Variants in NR2E1 observed in about 807,000 individuals in gnomAD.
The protein encoded by NR2E1 is nuclear receptor TLX.
Under a neutral mutation model 43.6 loss-of-function variants are expected in NR2E1, and 5 were observed. That is an observed-to-expected ratio of 0.11 (90% CI 0.06 to 0.24). The LOEUF is 0.24. Ranked by LOEUF, NR2E1 falls within the 10% of genes least tolerant of loss-of-function variation. The probability of loss-of-function intolerance (pLI) is 1.00; values close to 1 mark genes in which losing one functional copy is unlikely to be tolerated. For missense variants in NR2E1, 287 were observed against 496.7 expected (o/e 0.58, Z 4.01); for synonymous variants, 191 against 195.5 (o/e 0.98, Z 0.19).
intron 2 of NR2E1, among the ~76,000 whole-genome samples, chr6:108,174,008 T>C (rs1296748637): frequency 6.6e-6 from 1 of 152,236 alleles, no homozygotes; most frequent in African/African-American, 2.4e-5. Context: ...GAGCCCATAT[T>C]ATCATTTAGT....
chr6:108,187,608 G>A lies in NR2E1; in HGVS notation c.*145G>A, dbSNP rs1774095987. The stretch of plus-strand genomic sequence containing the variant: ...GGAAAAAAATGCCAATTGACACAAA[G>A]CATTCCAGTAGCTATGACCTGCCGC... On this transcript the variant is annotated 3_prime_UTR_variant, in exon 9 of 9. Transcript: ENST00000368986. 2.2e-6 allele frequency: 2 copies of A among 899,140 alleles called. No homozygotes were observed. The highest frequency in any genetic ancestry group is 1.6e-5 in the African/African-American group (1 of 60,740). The allele number at this position is 899,140 out of a possible 1,614,324, so 55.7% of individuals were successfully genotyped here. A position where few individuals can be genotyped will look rare whatever the true frequency, so the allele number is the denominator to read the frequency against.
At chr6:108,178,701 C>T (rs1387112172) in intron 5 of NR2E1, among the ~76,000 whole-genome samples, 3 of 152,276 alleles carry the variant, frequency 2.0e-5, no homozygotes, top group Middle Eastern at 3.4e-3. Flanking sequence ...TTCTCCATTG[C>T]GATGCTCCCA....
rs534784332 is a variant in NR2E1 at position 108,169,818 on chromosome 6, G to A, written c.26-1640G>A. On this transcript the variant is annotated intron_variant, in intron 1 of 8. Transcript: ENST00000368986. The surrounding 1 kb of genome is among the most constrained non-coding windows in gnomAD (Gnocchi z 6.1). Reference sequence around the variant, plus strand: ...CGAGCCGGTGGCCGCCGCGCCGCGCGCCTCCCCTGCCCGCCTTTGTCGCCG... The same window carrying A: ...CGAGCCGGTGGCCGCCGCGCCGCGCACCTCCCCTGCCCGCCTTTGTCGCCG... Among the ~76,000 whole-genome samples, 1 of 151,608 alleles carries A rather than the reference G, an allele frequency of 6.6e-6. No individual in the cohort carries two copies. Among genetic ancestry groups the A allele is most frequent in the African/African-American group, 2.4e-5 (1 of 41,234 alleles).
chr6:108,187,082 C>T (rs895763095), intron 8 of NR2E1, among the ~76,000 whole-genome samples: 3 of 152,030 alleles, frequency 2.0e-5, no homozygotes, highest in Non-Finnish European at 2.9e-5. Flanking sequence ...AGAGGGTGTC[C>T]GTGTGATTTT....
At chr6:108,171,758 A>T (rs1415801391) in intron 2 of NR2E1, among the ~76,000 whole-genome samples, 155 bp downstream of exon 2, 1 of 152,098 alleles carries the variant, frequency 6.6e-6, no homozygotes, top group African/African-American at 2.4e-5. Flanking sequence ...CAACTCTTGG[A>T]GGCCCTTTGG....
intron 8 of NR2E1, among the ~76,000 whole-genome samples, chr6:108,184,570 T>C (rs1774044045): frequency 6.6e-6 from 1 of 152,004 alleles, no homozygotes; most frequent in South Asian, 2.1e-4. Flanking sequence ...GGAAAGAACA[T>C]GTGAATTGGT....
At chr6:108,181,511 GCTGT>G (rs1323735081) in intron 7 of NR2E1, 31 bp from the exon 8 acceptor site, 1 of 1,554,078 alleles carries the variant, frequency 6.4e-7, no homozygotes, top group Non-Finnish European at 8.9e-7. Flanking sequence ...CAATTTCTAT[GCTGT>G]CTATCACAGT....
chr6:108,171,718 C>G lies in NR2E1; in HGVS notation c.171+115C>G, dbSNP rs899170290. On this transcript the variant is annotated intron_variant, in intron 2 of 8. Transcript: ENST00000368986. Reference sequence around the variant, plus strand: ...AGTTGAGGAGAGACCCGGCCCTGACCTCTCCCTTCCTCTCCCCTCCTTCTT... The same window carrying G: ...AGTTGAGGAGAGACCCGGCCCTGACGTCTCCCTTCCTCTCCCCTCCTTCTT... 40 of 1,241,626 alleles carry G rather than the reference C, an allele frequency of 3.2e-5. 2 individuals are homozygous for G. In the Admixed American group the frequency reaches 6.8e-4, roughly 21 times the overall value. 76.9% of individuals were successfully genotyped at this position (1,241,626 alleles called of 1,614,324 possible).
At chr6:108,185,950 A>C (rs1365646278) in intron 8 of NR2E1, among the ~76,000 whole-genome samples, 1 of 152,142 alleles carries the variant, frequency 6.6e-6, no homozygotes, top group East Asian at 1.9e-4. Flanking sequence ...GATGCTGCAG[A>C]TGGCAGAGGT....
chr6:108,169,563 G>C lies in NR2E1; in HGVS notation c.26-1895G>C, dbSNP rs1018971556. On this transcript the variant is annotated intron_variant, in intron 1 of 8. Transcript: ENST00000368986. The surrounding 1 kb of genome is among the most constrained non-coding windows in gnomAD (Gnocchi z 6.1). ...GGACCCTGGAGCGGTCAGAGGGCGCGTGTTAAGCAGAGGATGGTTGTAAGA... is the reference window on the plus strand; with the variant it reads ...GGACCCTGGAGCGGTCAGAGGGCGCCTGTTAAGCAGAGGATGGTTGTAAGA... Among the ~76,000 whole-genome samples, 1 of 152,188 alleles carries C rather than the reference G, an allele frequency of 6.6e-6. No homozygotes were observed.
chr6:108,167,102 G>T (rs779252425), intron 1 of NR2E1, among the ~76,000 whole-genome samples: 1 of 152,126 alleles, frequency 6.6e-6, no homozygotes, highest in Non-Finnish European at 1.5e-5. Context: ...GGGGGGCCAT[G>T]GGGGCGGGAA....
At chr6:108,168,166 A>C (rs752550831) in intron 1 of NR2E1, 1 of 1,577,272 alleles carries the variant, frequency 6.3e-7, no homozygotes, top group South Asian at 1.2e-5. Context: ...CCAGGAGGTA[A>C]AGCGACCTCG....
At position 108,169,461 on chromosome 6, in the gene NR2E1, T is replaced by G. The variant is rs905899178; in HGVS notation, c.26-1997T>G. ...GAGACCCCACCACTGCTCCTCCCAC[T>G]CACTCATCTTGGCATCTTCAACAGT... On this transcript the variant is annotated intron_variant, in intron 1 of 8. Coordinates refer to ENST00000368986, the MANE Select transcript of NR2E1 (RefSeq NM_003269.5). This position sits in a 1 kb window ranked among gnomAD's most constrained non-coding sequence, Gnocchi z 6.1. Among the ~76,000 whole-genome samples the G allele has an allele frequency of 2.0e-5, 3 of 152,144 alleles. No homozygotes were observed. The highest frequency in any genetic ancestry group is 4.8e-5 in the African/African-American group (2 of 41,448).
intron 4 of NR2E1, 142 bp downstream of exon 4, chr6:108,176,880 C>T (rs1773908721): frequency 1.3e-6 from 1 of 766,440 alleles, no homozygotes; most frequent in South Asian, 1.8e-5. Context: ...CATGGAGCTC[C>T]AGCCCTTCTG....
chr6:108,180,415 A>G lies in NR2E1; in HGVS notation c.735A>G (p.Val245=), dbSNP rs1773965423. 5.6e-6 allele frequency: 9 copies of G among 1,597,932 alleles called. No individual in the cohort carries two copies. In the East Asian group the frequency reaches 1.6e-4, roughly 28 times the overall value. Residue 245 remains valine (V), a synonymous_variant, in exon 6 of 9, where the codon GTA becomes GTG. Transcript: ENST00000368986. The surrounding 1 kb of genome is among the most constrained non-coding windows in gnomAD (Gnocchi z 5.4). ...IPVDANTLLA[V]SGMNGDNTDS... is the part of the protein sequence containing the mutation. ...TTGATGCTAACACTCTACTGGCTGT[A>G]TCTGGTAAGAATTGCACAATTTAAT...
At chr6:108,168,004 C>T in intron 1 of NR2E1, 1 of 1,574,994 alleles carries the variant, frequency 6.3e-7, no homozygotes, top group Non-Finnish European at 8.6e-7. Context: ...GCAAAATGAA[C>T]GTGAACAAAA....
intron 3 of NR2E1, 86 bp from the exon 4 acceptor site, chr6:108,176,417 T>G (rs532289425): frequency 5.8e-6 from 8 of 1,373,128 alleles, no homozygotes; most frequent in South Asian, 2.4e-5. Context: ...AGACTTGACA[T>G]TGGGGCGGGG....
intron 8 of NR2E1, 27 bp downstream of exon 8, chr6:108,181,678 A>G: frequency 1.3e-6 from 2 of 1,580,076 alleles, no homozygotes; most frequent in Non-Finnish European, 8.7e-7. Flanking sequence ...TTGAACATGT[A>G]CTTAAGAAAA....
At chr6:108,176,429 T>C (rs1582445789) in intron 3 of NR2E1, 74 bp from the exon 4 acceptor site, 7 of 1,474,454 alleles carry the variant, frequency 4.7e-6, no homozygotes, top group Non-Finnish European at 6.6e-6. Context: ...GGGGCGGGGC[T>C]GGGGGGAGAG....
Sources: allele counts gnomAD v4.1 joint callset (sites outside exome capture counted in the v4.1 genomes callset), GRCh38; gene constraint gnomAD v4.1.1; non-coding constraint Gnocchi (gnomAD v3.1); transcripts MANE v1.5; gene names NCBI Gene and HGNC (gene_info 2026-07-23, HGNC 2026-07-21).